ARHGEF10: variants seen among roughly 807,000 people sequenced by gnomAD.
ARHGEF10 encodes Rho guanine nucleotide exchange factor (GEF) 10.
Under a neutral mutation model 147.4 loss-of-function variants are expected in ARHGEF10, and 140 were observed. The observed-to-expected ratio is 0.95, with a 90% confidence interval of 0.83 to 1.09. The LOEUF is 1.09. ARHGEF10 is among the 50% of genes least tolerant of loss of function. The pLI, the probability that ARHGEF10 is intolerant of heterozygous loss-of-function variation, is 0.00. For synonymous variants in ARHGEF10, 902 were observed against 695.8 expected (o/e 1.30, Z -4.67); for missense variants, 2,222 against 1,752.7 (o/e 1.27, Z -4.78).
chr8:1,867,743 T>C (rs2129090316), intron 6 of ARHGEF10, among the ~76,000 whole-genome samples: 1 of 152,354 alleles, frequency 6.6e-6, no homozygotes, highest in South Asian at 2.1e-4. Context: ...ACTTTCCTGA[T>C]TATGCCTCTC....
intron 26 of ARHGEF10, among the ~76,000 whole-genome samples, chr8:1,943,291 A>G (rs777348382): frequency 7.9e-5 from 12 of 152,204 alleles, no homozygotes; most frequent in Non-Finnish European, 1.5e-4. Flanking sequence ...GACAGAAGCC[A>G]GGAGAGACAG....
At chr8:1,888,188 G>T (rs1331392067) in intron 11 of ARHGEF10, among the ~76,000 whole-genome samples, 1 of 48,566 alleles carries the variant, frequency 2.1e-5, no homozygotes, top group Non-Finnish European at 3.9e-5. Flanking sequence ...TGGGGTGAGG[G>T]TTTGCGAGGA....
intron 28 of ARHGEF10, among the ~76,000 whole-genome samples, chr8:1,955,819 C>T (rs1051515480): frequency 2.6e-5 from 4 of 152,262 alleles, no homozygotes; most frequent in Non-Finnish European, 5.9e-5. Context: ...TGGGGGCTTG[C>T]CCAGGGGCAG....
chr8:1,879,243 C>T (rs902383751), intron 8 of ARHGEF10, among the ~76,000 whole-genome samples: 1 of 152,172 alleles, frequency 6.6e-6, no homozygotes, highest in Non-Finnish European at 1.5e-5. Context: ...AGGGGGTCCC[C>T]AGTCCCGTCA....
intron 1 of ARHGEF10, among the ~76,000 whole-genome samples, chr8:1,833,193 A>AGAGACAGAAGCAGAGGGAG (rs1803350930): frequency 2.8e-5 from 1 of 35,790 alleles, no homozygotes; most frequent in Non-Finnish European, 5.5e-5. Flanking sequence ...CAGAGACAGA[A>AGAGACAGAAGCAGAGGGAG]GCAGAGACAG....
At chr8:1,844,847 A>C (rs1364861360) in intron 2 of ARHGEF10, among the ~76,000 whole-genome samples, 2 of 152,166 alleles carry the variant, frequency 1.3e-5, no homozygotes, top group Non-Finnish European at 2.9e-5. Context: ...TGAGTGAATC[A>C]CTTGAGCCCA....
At chr8:1,830,621 T>C (rs1156378335) in intron 1 of ARHGEF10, among the ~76,000 whole-genome samples, 2 of 152,216 alleles carry the variant, frequency 1.3e-5, no homozygotes, top group Non-Finnish European at 2.9e-5. Flanking sequence ...TACTAAGTGC[T>C]CTCACGCCCC....
intron 8 of ARHGEF10, among the ~76,000 whole-genome samples, chr8:1,879,045 G>A (rs1014328286): frequency 3.9e-5 from 6 of 152,164 alleles, no homozygotes; most frequent in South Asian, 2.1e-4. Context: ...AAGTTTTCTC[G>A]TTCAAAGGGT....
At position 1,923,312 on chromosome 8, in the gene ARHGEF10, C is replaced by T. The variant is rs549637129; in HGVS notation, c.2260-156C>T. The T allele has an allele frequency of 3.1e-4, 361 of 1,172,458 alleles. 2 individuals carry two copies. The South Asian group carries it at 4.8e-3, about 16-fold the overall frequency. The allele number at this position is 1,172,458 out of a possible 1,614,324, so 72.6% of individuals were successfully genotyped here. Reference sequence around the variant, plus strand: ...TCTATCTTAGAAATGTCTCAGCCCCCCACAGTGTGATCTGACTCCCAAAGC... The same window carrying T: ...TCTATCTTAGAAATGTCTCAGCCCCTCACAGTGTGATCTGACTCCCAAAGC... On this transcript the variant is annotated intron_variant, in intron 19 of 28. Coordinates refer to ENST00000349830, the MANE Select transcript of ARHGEF10 (RefSeq NM_014629.4).
intron 15 of ARHGEF10, among the ~76,000 whole-genome samples, chr8:1,900,855 C>G (rs570333592): frequency 6.6e-6 from 1 of 152,224 alleles, no homozygotes; most frequent in African/African-American, 2.4e-5. Context: ...CCCTCCTTGC[C>G]TCGAGAGACC....
rs1216163539 is a variant in ARHGEF10, at chr8:1,833,077, G to GAGACAGAAGC, written c.-48+8967_-48+8968insCAGAAGCAGA. Among the ~76,000 whole-genome samples the GAGACAGAAGC allele has an allele frequency of 1.9e-4, 4 of 21,214 alleles. 1 individual carries two copies. Among genetic ancestry groups the GAGACAGAAGC allele is most frequent in the African/African-American group, 4.1e-4 (2 of 4,934 alleles). 13.9% of individuals were successfully genotyped at this position (21,214 alleles called of 152,430 possible). On this transcript the variant is annotated intron_variant, in intron 1 of 28. Transcript: ENST00000349830. The stretch of plus-strand genomic sequence containing the variant: ...GCAGAGAGAGACAGAGACAGAGGCA[G>GAGACAGAAGC]AGAGACAGAGACAGAGGCAGAGAGA...
intron 23 of ARHGEF10, 25 bp from the exon 24 acceptor site, chr8:1,928,402 C>G (rs1563298319): frequency 3.4e-6 from 5 of 1,476,906 alleles, no homozygotes; most frequent in Non-Finnish European, 3.7e-6. Flanking sequence ...TCGTTTTCTT[C>G]TTTCCTCCTA....
At chr8:1,874,316 G>A (rs1807454580) in intron 7 of ARHGEF10, among the ~76,000 whole-genome samples, 1 of 152,172 alleles carries the variant, frequency 6.6e-6, no homozygotes, top group Non-Finnish European at 1.5e-5. Context: ...GTCCAAACGT[G>A]CCTGATCCTG....
At chr8:1,911,648 C>T (rs1811364927) in intron 18 of ARHGEF10, among the ~76,000 whole-genome samples, 1 of 152,264 alleles carries the variant, frequency 6.6e-6, no homozygotes, top group East Asian at 1.9e-4. Flanking sequence ...TGGATTCATC[C>T]AGGGTGGACC....
At chr8:1,859,021 G>A (rs1289117373) in intron 3 of ARHGEF10, among the ~76,000 whole-genome samples, 1 of 150,802 alleles carries the variant, frequency 6.6e-6, no homozygotes, top group Non-Finnish European at 1.5e-5. Flanking sequence ...CAGCCTCTCG[G>A]TTGTTTGCCC....
chr8:1,828,148 A>AGGTGAGTCGG (rs1467679697), intron 1 of ARHGEF10, among the ~76,000 whole-genome samples: 1 of 152,254 alleles, frequency 6.6e-6, no homozygotes, highest in Non-Finnish European at 1.5e-5. Flanking sequence ...TTTCGGCACC[A>AGGTGAGTCGG]GGTGAGTCGG....
chr8:1,894,171 C>A (rs985725935), intron 12 of ARHGEF10, among the ~76,000 whole-genome samples: 182 of 135,380 alleles, frequency 1.3e-3, no homozygotes, highest in East Asian at 1.9e-3. Context: ...GAGACTGTCT[C>A]AAAAAAAAAA....
rs773363141 is a variant in ARHGEF10, at chr8:1,860,003, C to G, written c.300C>G (p.Phe100Leu). The G allele has an allele frequency of 4.3e-6, 7 of 1,614,132 alleles. No individual in the cohort carries two copies. In the South Asian group the frequency reaches 7.7e-5, roughly 18 times the overall value. Residue 100 changes from phenylalanine to leucine, a missense_variant, in exon 4 of 29, where the codon TTC (phenylalanine) becomes TTG (leucine). Phe to Leu is a conservative substitution (Grantham distance 22). Transcript: ENST00000349830. ...NPYSVIDITP[F>L]QEDQPPTPVP... The stretch of plus-strand genomic sequence containing the variant: ...ATTCTGTCATCGACATCACGCCATT[C>G]CAGGAGGACCAGCCGCCCACCCCCG...
chr8:1,907,508 G>A (rs1012780979), intron 17 of ARHGEF10, among the ~76,000 whole-genome samples: 2 of 152,202 alleles, frequency 1.3e-5, no homozygotes, highest in Non-Finnish European at 2.9e-5. Context: ...CATCACTGAT[G>A]TTTGTCTGAC....
Sources: gnomAD v4.1 joint callset for allele counts (sites outside exome capture counted in the v4.1 genomes callset) on GRCh38, gnomAD v4.1.1 for gene constraint, MANE v1.5 for transcripts, NCBI Gene and HGNC (gene_info 2026-07-23, HGNC 2026-07-21) for gene names.